The following DLG2 variants were observed in gnomAD, a reference collection of about 807,000 sequenced individuals.
DLG2 encodes discs large MAGUK scaffold protein 2.
Under a neutral mutation model 132.5 loss-of-function variants are expected in DLG2, and 45 were observed. The observed-to-expected ratio is 0.34, with a 90% CI of 0.27 to 0.44. The LOEUF (loss-of-function observed/expected upper bound fraction) is 0.44. Ranked by LOEUF, DLG2 falls within the 20% of genes least tolerant of loss-of-function variation. The probability of loss-of-function intolerance (pLI) is 1.00; values close to 1 mark genes in which losing one functional copy is unlikely to be tolerated. For missense variants in DLG2, 1,045 were observed against 1,196.9 expected, an observed-to-expected ratio of 0.87 and a Z score of 1.87; for synonymous variants, 424 against 419.6, an observed-to-expected ratio of 1.01 and a Z score of -0.13.
At chr11:84,542,656 T>C (rs2099378345) in intron 6 of DLG2, among the ~76,000 whole-genome samples, 1 of 151,892 alleles carries the variant, frequency 6.6e-6, no homozygotes, top group Admixed American at 6.6e-5. Context: ...AAGAAGTTGG[T>C]AAAAACAAAA....
intron 11 of DLG2, among the ~76,000 whole-genome samples, chr11:84,050,437 G>C (rs1010372214): frequency 6.6e-5 from 10 of 151,910 alleles, no homozygotes; most frequent in African/African-American, 2.4e-4. Context: ...CAGATGAGTA[G>C]ATTGCAAAAT....
intron 6 of DLG2, among the ~76,000 whole-genome samples, chr11:84,712,117 C>T (rs1017805634): frequency 1.1e-4 from 16 of 152,014 alleles, no homozygotes; most frequent in African/African-American, 3.4e-4. Context: ...ACCATATGTA[C>T]TTTATTTAAA....
chr11:85,354,745 TCACA>T (rs139924079), intron 3 of DLG2, among the ~76,000 whole-genome samples: 2 of 149,212 alleles, frequency 1.3e-5, no homozygotes, highest in African/African-American at 2.5e-5. Context: ...TCTCTCTCTC[TCACA>T]CACACACACA....
intron 6 of DLG2, among the ~76,000 whole-genome samples, chr11:84,986,130 T>A (rs375387164): frequency 7.4e-4 from 112 of 151,184 alleles, no homozygotes; most frequent in African/African-American, 2.6e-3. Context: ...ATATTACAAC[T>A]GACACCACAG....
At chr11:84,657,666 C>T (rs1199654899) in intron 6 of DLG2, among the ~76,000 whole-genome samples, 2 of 152,142 alleles carry the variant, frequency 1.3e-5, no homozygotes, top group African/African-American at 2.4e-5. Context: ...GAATCTAATG[C>T]CGTTGTTAAT....
intron 6 of DLG2, among the ~76,000 whole-genome samples, chr11:85,108,704 C>G (rs991648134): frequency 1.1e-4 from 16 of 152,092 alleles, no homozygotes; most frequent in Middle Eastern, 3.4e-3. Context: ...GAGACTACTA[C>G]TTATTACACT....
chr11:85,201,813 CA>C (rs1379577958), intron 4 of DLG2, among the ~76,000 whole-genome samples: 2 of 149,844 alleles, frequency 1.3e-5, no homozygotes, highest in African/African-American at 4.9e-5. Flanking sequence ...GAATTCAAAA[CA>C]ACTACTTCAA....
intron 6 of DLG2, among the ~76,000 whole-genome samples, chr11:84,593,677 T>C (rs2099549549): frequency 6.6e-6 from 1 of 152,228 alleles, no homozygotes; most frequent in South Asian, 2.1e-4. Context: ...GTGATAGCAT[T>C]AGCAGAAATA....
At chr11:84,570,032 G>C (rs1487072913) in intron 6 of DLG2, among the ~76,000 whole-genome samples, 2 of 152,084 alleles carry the variant, frequency 1.3e-5, no homozygotes, top group Non-Finnish European at 2.9e-5. Flanking sequence ...GTGCAATTCT[G>C]AATGTTGGAA....
chr11:85,322,514 A>T (rs535223), intron 3 of DLG2, among the ~76,000 whole-genome samples: 135,125 of 151,930 alleles, frequency 0.89, 60,371 homozygotes, highest in Non-Finnish European at 0.93. Context: ...ATATCAGCTG[A>T]TATTGCTTCC....
chr11:85,024,063 A>G (rs2060307282), intron 6 of DLG2, among the ~76,000 whole-genome samples: 2 of 152,158 alleles, frequency 1.3e-5, no homozygotes, highest in Non-Finnish European at 2.9e-5. Flanking sequence ...CTGTTCTAAG[A>G]TTCTGGATCT....
intron 3 of DLG2, among the ~76,000 whole-genome samples, chr11:85,427,315 A>T (rs1425952028): frequency 1.3e-5 from 2 of 152,196 alleles, no homozygotes; most frequent in Non-Finnish European, 2.9e-5. Flanking sequence ...ACTCCAAGAC[A>T]CATAATTGTC....
chr11:84,873,905 G>A (rs770178065), intron 6 of DLG2, among the ~76,000 whole-genome samples: 2 of 152,178 alleles, frequency 1.3e-5, no homozygotes, highest in Non-Finnish European at 2.9e-5. Flanking sequence ...CAGTCCACAA[G>A]ATATGGAGCG....
At chr11:84,669,066 G>A (rs2099702932) in intron 6 of DLG2, among the ~76,000 whole-genome samples, 1 of 152,070 alleles carries the variant, frequency 6.6e-6, no homozygotes, top group Non-Finnish European at 1.5e-5. Flanking sequence ...ACAGGATATG[G>A]GACAGGAAGT....
chr11:84,295,136 T>A (rs2098071999), intron 7 of DLG2, among the ~76,000 whole-genome samples: 1 of 152,184 alleles, frequency 6.6e-6, no homozygotes, highest in South Asian at 2.1e-4. Context: ...AGTGACTCTT[T>A]GGACTCAGAA....
intron 18 of DLG2, among the ~76,000 whole-genome samples, chr11:83,675,267 T>C (rs1055009303): frequency 5.9e-5 from 9 of 152,246 alleles, no homozygotes; most frequent in African/African-American, 2.2e-4. Flanking sequence ...AGTCTAATTT[T>C]TCTTTGAAGC....
At chr11:84,582,050 G>T (rs1223866122) in intron 6 of DLG2, among the ~76,000 whole-genome samples, 1 of 151,892 alleles carries the variant, frequency 6.6e-6, no homozygotes, top group Non-Finnish European at 1.5e-5. Flanking sequence ...CTAGAAAGCG[G>T]CAGGACTATG....
intron 12 of DLG2, among the ~76,000 whole-genome samples, chr11:83,972,838 G>A (rs1565866321): frequency 6.6e-6 from 1 of 152,116 alleles, no homozygotes; most frequent in Non-Finnish European, 1.5e-5. Context: ...CAGGATATAA[G>A]GATGAAAAGC....
chr11:85,144,508 C>T (rs1042734175), intron 5 of DLG2, among the ~76,000 whole-genome samples: 6 of 151,680 alleles, frequency 4.0e-5, no homozygotes, highest in Non-Finnish European at 8.8e-5. Context: ...CTCCTTCCTT[C>T]CTGTCTTCCT....
Sources: gnomAD v4.1 joint callset for allele counts (sites outside exome capture counted in the v4.1 genomes callset) on GRCh38, gnomAD v4.1.1 for gene constraint, MANE v1.5 for transcripts, NCBI Gene and HGNC (gene_info 2026-07-23, HGNC 2026-07-21) for gene names.